DOK6: variants seen among roughly 807,000 people sequenced by gnomAD.
DOK6 encodes docking protein 6, also known as downstream of tyrosine kinase 6.
In DOK6, 22 loss-of-function variants were observed where a neutral mutation model predicts 44.0. The ratio of observed to expected loss-of-function variants is 0.50; its 90% confidence interval spans 0.36 to 0.71. The LOEUF is 0.71. DOK6 is among the 30% of genes least tolerant of loss of function. The probability of loss-of-function intolerance (pLI) is 0.00; values close to 1 mark genes in which losing one functional copy is unlikely to be tolerated. For synonymous variants in DOK6, 166 were observed against 145.5 expected (o/e 1.14, Z -1.01); for missense variants, 340 against 416.4 (o/e 0.82, Z 1.60).
intron 5 of DOK6, among the ~76,000 whole-genome samples, chr18:69,701,160 A>G (rs1011982142): frequency 7.2e-5 from 11 of 152,364 alleles, no homozygotes; most frequent in South Asian, 2.1e-4. Context: ...AGCATCCTTC[A>G]GTCACCCTTG....
In DOK6 at chr18:69,841,600, T is replaced by C. The variant is rs1178759163; in HGVS notation, c.*217T>C. 4 of 569,982 alleles carry C rather than the reference T, an allele frequency of 7.0e-6. No individual in the cohort carries two copies. Among genetic ancestry groups the C allele is most frequent in the Non-Finnish European group, 1.2e-5 (4 of 345,332 alleles). The allele number at this position is 569,982 out of a possible 1,614,324, so 35.3% of individuals were successfully genotyped here. On this transcript the variant is annotated 3_prime_UTR_variant, in exon 8 of 8. Coordinates refer to ENST00000382713, the MANE Select transcript of DOK6 (RefSeq NM_152721.6). ...AATTTCTTTGGGGGAATCTATGTTTTACATAAATAGAATCCAAATCGTATG... is the reference window on the plus strand; with the variant it reads ...AATTTCTTTGGGGGAATCTATGTTTCACATAAATAGAATCCAAATCGTATG...
intron 7 of DOK6, among the ~76,000 whole-genome samples, chr18:69,764,840 C>T (rs1979669554): frequency 6.6e-6 from 1 of 152,076 alleles, no homozygotes; most frequent in South Asian, 2.1e-4. Context: ...AAGGTCGTAG[C>T]TTTAGGAGTT....
intron 7 of DOK6, among the ~76,000 whole-genome samples, chr18:69,839,027 C>CCCCTAGCTCCACTCCTAGTCTCT (rs71178822): frequency 9.4e-5 from 14 of 148,684 alleles, no homozygotes; most frequent in South Asian, 2.1e-4. Flanking sequence ...CCTAACTCCT[C>CCCCTAGCTCCACTCCTAGTCTCT]CCCTAGCTCC....
rs952137984 is a variant in DOK6, at chr18:69,677,670, A to G, written c.290-64A>G. On this transcript the variant is annotated intron_variant, in intron 3 of 7. Transcript: ENST00000382713. ...AGTTACCTGGGAAAACAGTTAAGGA[A>G]ATATTCTTCTTCCATCATTCCTAGG... 31 of 1,606,080 alleles carry G rather than the reference A, an allele frequency of 1.9e-5. 1 individual carries two copies. In the Admixed American group the frequency reaches 4.9e-4, roughly 25 times the overall value.
At chr18:69,747,068 C>G (rs1419350055) in intron 6 of DOK6, among the ~76,000 whole-genome samples, 6 of 152,164 alleles carry the variant, frequency 3.9e-5, no homozygotes, top group Non-Finnish European at 8.8e-5. Flanking sequence ...CCTCATTGTC[C>G]TTGTCTGTAA....
chr18:69,578,060 C>T (rs987972852), intron 2 of DOK6, among the ~76,000 whole-genome samples: 4 of 150,358 alleles, frequency 2.7e-5, no homozygotes, highest in Admixed American at 2.0e-4. Flanking sequence ...TATCCCAGAA[C>T]GTAAAGTAAA....
chr18:69,729,395 A>G (rs1978335508), intron 5 of DOK6, among the ~76,000 whole-genome samples: 1 of 152,190 alleles, frequency 6.6e-6, no homozygotes, highest in Non-Finnish European at 1.5e-5. Flanking sequence ...TTCCTTCATT[A>G]TATCTTTCCC....
chr18:69,827,037 G>T (rs569679737), intron 7 of DOK6, among the ~76,000 whole-genome samples: 23 of 152,206 alleles, frequency 1.5e-4, no homozygotes, highest in African/African-American at 5.3e-4. Context: ...AAAAACAATT[G>T]TTTGATCTAG....
intron 3 of DOK6, among the ~76,000 whole-genome samples, chr18:69,614,878 A>G (rs1466453879): frequency 1.3e-5 from 2 of 151,962 alleles, no homozygotes; most frequent in African/African-American, 2.4e-5. Flanking sequence ...AAGCATTTCT[A>G]TTACCTTATT....
chr18:69,497,712 T>A (rs575718755), intron 1 of DOK6, among the ~76,000 whole-genome samples: 30 of 152,368 alleles, frequency 2.0e-4, no homozygotes, highest in Middle Eastern at 3.4e-3. Context: ...TTTACTTGCT[T>A]GATCTGCAGA....
At chr18:69,741,924 A>G (rs1978813867) in intron 6 of DOK6, among the ~76,000 whole-genome samples, 1 of 152,234 alleles carries the variant, frequency 6.6e-6, no homozygotes, top group African/African-American at 2.4e-5. Flanking sequence ...TCAAATGAGA[A>G]ATAATGTCTC....
intron 2 of DOK6, among the ~76,000 whole-genome samples, chr18:69,598,414 G>T (rs1171143657): frequency 1.3e-5 from 2 of 151,870 alleles, no homozygotes; most frequent in Non-Finnish European, 2.9e-5. Context: ...AAAAGGTAAT[G>T]AATTTATTAT....
At chr18:69,496,550 AC>A (rs1240886631) in intron 1 of DOK6, among the ~76,000 whole-genome samples, 2 of 152,266 alleles carry the variant, frequency 1.3e-5, no homozygotes, top group Admixed American at 1.3e-4. Flanking sequence ...CCCCAAATGG[AC>A]AATGCTTTCT....
chr18:69,563,773 C>T (rs192581161), intron 1 of DOK6, among the ~76,000 whole-genome samples: 30 of 151,306 alleles, frequency 2.0e-4, no homozygotes, highest in African/African-American at 5.4e-4. Context: ...GCCCATTGTG[C>T]GCATATAACC....
intron 7 of DOK6, among the ~76,000 whole-genome samples, chr18:69,811,951 T>C (rs1981252154): frequency 6.6e-6 from 1 of 152,110 alleles, no homozygotes; most frequent in Non-Finnish European, 1.5e-5. Context: ...ATATATGATA[T>C]ACAAAGTCTG....
At chr18:69,685,592 C>A (rs1317969360) in intron 4 of DOK6, among the ~76,000 whole-genome samples, 2 of 152,198 alleles carry the variant, frequency 1.3e-5, no homozygotes, top group African/African-American at 4.8e-5. Context: ...CCCACACCTA[C>A]AAAGTAAATA....
chr18:69,451,191 G>A (rs891744215), intron 1 of DOK6, among the ~76,000 whole-genome samples: 46 of 147,764 alleles, frequency 3.1e-4, no homozygotes, highest in Admixed American at 2.1e-4. Context: ...ACACACATAG[G>A]CTCAAAATAA....
intron 2 of DOK6, among the ~76,000 whole-genome samples, chr18:69,566,840 G>A (rs1982995844): frequency 6.6e-6 from 1 of 152,198 alleles, no homozygotes; most frequent in South Asian, 2.1e-4. Context: ...AACTAGTGGT[G>A]GTAATGTGTC....
intron 1 of DOK6, among the ~76,000 whole-genome samples, chr18:69,541,325 G>A (rs1982263231): frequency 6.6e-6 from 1 of 151,412 alleles, no homozygotes; most frequent in South Asian, 2.1e-4. Flanking sequence ...GGAAATTGAT[G>A]CCTTATTCAT....
Sources: gnomAD v4.1 joint callset for allele counts (sites outside exome capture counted in the v4.1 genomes callset) on GRCh38, gnomAD v4.1.1 for gene constraint, MANE v1.5 for transcripts, NCBI Gene and HGNC (gene_info 2026-07-23, HGNC 2026-07-21) for gene names.